Variants in PLA2G4E observed in about 807,000 individuals in gnomAD.
PLA2G4E encodes the protein phospholipase A2 group IVE.
Under a neutral mutation model 109.1 loss-of-function variants are expected in PLA2G4E, and 84 were observed. The ratio of observed to expected loss-of-function variants is 0.77; its 90% CI spans 0.65 to 0.92. PLA2G4E has a LOEUF of 0.92. PLA2G4E is among the 40% of genes least tolerant of loss of function. The pLI, the probability that PLA2G4E is intolerant of heterozygous loss-of-function variation, is 0.00. For missense variants in PLA2G4E, 1,057 were observed against 1,076.6 expected (o/e 0.98, Z 0.25); for synonymous variants, 469 against 436.1 (o/e 1.08, Z -0.94).
At chr15:42,002,398 A>G (rs1170401009) in intron 6 of PLA2G4E, among the ~76,000 whole-genome samples, 1 of 151,874 alleles carries the variant, frequency 6.6e-6, no homozygotes, top group African/African-American at 2.4e-5. Context: ...CTTAAGGGGA[A>G]GGGTCACTTT....
chr15:41,992,630 C>A, intron 13 of PLA2G4E, 107 bp downstream of exon 13: 1 of 1,099,272 alleles, frequency 9.1e-7, no homozygotes. Flanking sequence ...TCCCGCAGGT[C>A]TAACCTAATC....
In PLA2G4E at chr15:42,040,204, GCACACACACACACCTA is replaced by G. The variant is rs374644219; in HGVS notation, c.183+10301_183+10316del. ...AAAACTTTAAAACACACACACACACGCACACACACACACCTACACACACACTACAGTATTTAAGGCC... is the reference window on the plus strand; with the variant it reads ...AAAACTTTAAAACACACACACACACGCACACACACTACAGTATTTAAGGCC... On this transcript the variant is annotated intron_variant, in intron 1 of 19. Transcript: ENST00000399518. Among the ~76,000 whole-genome samples, 400 of 150,884 alleles carry G rather than the reference GCACACACACACACCTA, an allele frequency of 2.7e-3. 3 individuals carry two copies. The highest frequency in any genetic ancestry group is 9.6e-3 in the African/African-American group (396 of 41,152).
At chr15:41,999,650 AGCACACACGT>A (rs1034326925) in intron 9 of PLA2G4E, 89 bp from the exon 10 acceptor site, 1 of 1,498,736 alleles carries the variant, frequency 6.7e-7, no homozygotes, top group African/African-American at 1.4e-5. Context: ...GACCCCACTC[AGCACACACGT>A]GCACACACAG....
At chr15:42,017,769 C>G (rs1291864824) in intron 1 of PLA2G4E, among the ~76,000 whole-genome samples, 12 of 152,344 alleles carry the variant, frequency 7.9e-5, no homozygotes, top group African/African-American at 1.7e-4. Flanking sequence ...CAAACTCTGA[C>G]AATTCTTCTA....
rs2068102359 is a variant in PLA2G4E, at chr15:41,984,122, GCACCTGCACACCT to G, written c.2387-161_2387-149del. The G allele has an allele frequency of 3.9e-6, 3 of 760,078 alleles. No individual in the cohort carries two copies. The Admixed American group carries it at 6.9e-5, about 18-fold the overall frequency. The allele number at this position is 760,078 out of a possible 1,614,324, so 47.1% of individuals were successfully genotyped here. A position where few individuals can be genotyped will look rare whatever the true frequency, so the allele number is the denominator to read the frequency against. On this transcript the variant is annotated intron_variant, in intron 19 of 19. Transcript: ENST00000399518. ...TGTACACACGCACACCCTCACACAC[GCACCTGCACACCT>G]GCAAGCTCCTCAGGGCGTGGTGCAG... is the stretch of plus-strand genomic sequence containing the variant.
At chr15:42,031,694 C>T (rs904577495) in intron 1 of PLA2G4E, among the ~76,000 whole-genome samples, 2 of 152,186 alleles carry the variant, frequency 1.3e-5, no homozygotes, top group Admixed American at 6.5e-5. Context: ...CTCTGCCAAG[C>T]TTCTTGACAT....
intron 5 of PLA2G4E, among the ~76,000 whole-genome samples, chr15:42,004,508 T>C (rs1410474472): frequency 6.6e-6 from 1 of 151,928 alleles, no homozygotes; most frequent in Non-Finnish European, 1.5e-5. Flanking sequence ...GGCTGCAGAG[T>C]TGGCTGCTTG....
intron 1 of PLA2G4E, among the ~76,000 whole-genome samples, chr15:42,038,249 T>A (rs922145293): frequency 6.6e-6 from 1 of 152,356 alleles, no homozygotes; most frequent in Non-Finnish European, 1.5e-5. Context: ...CACCAGGGAC[T>A]GGTTTTGTAG....
intron 10 of PLA2G4E, among the ~76,000 whole-genome samples, chr15:41,999,297 G>A (rs548410491): frequency 6.6e-6 from 1 of 152,158 alleles, no homozygotes; most frequent in African/African-American, 2.4e-5. Context: ...CATATGTAAA[G>A]CACTCTTACA....
At chr15:42,035,967 T>A (rs1043356225) in intron 1 of PLA2G4E, among the ~76,000 whole-genome samples, 1 of 150,426 alleles carries the variant, frequency 6.6e-6, no homozygotes, top group Non-Finnish European at 1.5e-5. Flanking sequence ...CTAGGTAACA[T>A]ACAAATATCC....
chr15:42,016,451 C>T (rs1460317798), intron 1 of PLA2G4E, among the ~76,000 whole-genome samples: 1 of 152,038 alleles, frequency 6.6e-6, no homozygotes, highest in African/African-American at 2.4e-5. Context: ...AATTCTCCCT[C>T]CTCAGTCTCC....
In PLA2G4E at chr15:41,999,518, C is replaced by T. The variant is rs1482418117; in HGVS notation, c.974+6G>A. ...GAGAGGCACGGACAGAATGCGGGTA[C>T]TATACCAGGGTGTAGACTTCATGTG... On this transcript the variant is annotated splice_donor_region_variant and intron_variant, in intron 10 of 19. Transcript: ENST00000399518. 1 of 1,593,214 alleles carries T rather than the reference C, an allele frequency of 6.3e-7. No homozygotes were observed. Among genetic ancestry groups the T allele is most frequent in the African/African-American group, 1.3e-5 (1 of 74,400 alleles).
intron 6 of PLA2G4E, among the ~76,000 whole-genome samples, chr15:42,001,537 T>C (rs2068419930): frequency 6.6e-6 from 1 of 152,166 alleles, no homozygotes; most frequent in Non-Finnish European, 1.5e-5. Context: ...GCTTTCAAAG[T>C]GAGGGCTTCC....
chr15:41,990,394 G>A (rs1483770343), intron 13 of PLA2G4E, among the ~76,000 whole-genome samples, 159 bp from the exon 14 acceptor site: 1 of 152,126 alleles, frequency 6.6e-6, no homozygotes, highest in Non-Finnish European at 1.5e-5. Context: ...AAATCACTCT[G>A]AAAGGGCACC....
intron 1 of PLA2G4E, among the ~76,000 whole-genome samples, chr15:42,017,586 C>T (rs1405418070): frequency 6.6e-6 from 1 of 152,246 alleles, no homozygotes; most frequent in African/African-American, 2.4e-5. Context: ...ACATCCAATG[C>T]TACTTCCCAA....
At chr15:41,990,512 G>A (rs1265001915) in intron 13 of PLA2G4E, among the ~76,000 whole-genome samples, 2 of 152,122 alleles carry the variant, frequency 1.3e-5, no homozygotes, top group Non-Finnish European at 2.9e-5. Flanking sequence ...GGTCTTAGGG[G>A]TCAGCAGATA....
At chr15:42,027,423 G>A (rs1009197523) in intron 1 of PLA2G4E, among the ~76,000 whole-genome samples, 1 of 152,146 alleles carries the variant, frequency 6.6e-6, no homozygotes, top group Non-Finnish European at 1.5e-5. Context: ...CTGCACCTCA[G>A]GTGAGATATT....
chr15:42,049,431 T>A (rs184050908), intron 1 of PLA2G4E, among the ~76,000 whole-genome samples: 1 of 152,214 alleles, frequency 6.6e-6, no homozygotes, highest in African/African-American at 2.4e-5. Context: ...CACTGTTGCA[T>A]TGGGGATTAA....
intron 19 of PLA2G4E, among the ~76,000 whole-genome samples, chr15:41,984,221 C>A (rs1659410665): frequency 6.6e-6 from 1 of 152,196 alleles, no homozygotes; most frequent in Non-Finnish European, 1.5e-5. Flanking sequence ...GGCTGAATGT[C>A]AGAAAATGTA....
Sources: allele counts gnomAD v4.1 joint callset (sites outside exome capture counted in the v4.1 genomes callset), GRCh38; gene constraint gnomAD v4.1.1; transcripts MANE v1.5; gene names NCBI Gene and HGNC (gene_info 2026-07-23, HGNC 2026-07-21).